Variants in MAGI1 observed in about 807,000 individuals in gnomAD.
MAGI1 encodes membrane-associated guanylate kinase, WW and PDZ domain-containing protein 1.
In MAGI1, 58 loss-of-function variants were observed where a neutral mutation model predicts 139.9. That is an observed-to-expected ratio of 0.41 (90% CI 0.34 to 0.52). The LOEUF (loss-of-function observed/expected upper bound fraction) is 0.52. MAGI1 is among the 20% of genes least tolerant of loss of function. The probability of loss-of-function intolerance (pLI) is 0.12; values close to 1 mark genes in which losing one functional copy is unlikely to be tolerated. For synonymous variants in MAGI1, 812 were observed against 737.9 expected (o/e 1.10, Z -1.63); for missense variants, 1,874 against 1,901.6 (o/e 0.99, Z 0.27).
intron 1 of MAGI1, among the ~76,000 whole-genome samples, chr3:65,709,875 T>A (rs1035104754): frequency 7.9e-5 from 12 of 152,262 alleles, no homozygotes; most frequent in Non-Finnish European, 1.5e-4. Flanking sequence ...CCATAACTGG[T>A]GTAAATCAAA....
intron 2 of MAGI1, among the ~76,000 whole-genome samples, chr3:65,593,402 G>C (rs963776169): frequency 6.8e-5 from 10 of 147,394 alleles, no homozygotes; most frequent in Non-Finnish European, 1.5e-4. Context: ...TGTGAAGGAT[G>C]GGGGGGAAAG....
rs571323363 is a variant in MAGI1 at position 65,919,708 on chromosome 3, T to A, written c.313+118288A>T. Among the ~76,000 whole-genome samples the A allele has an allele frequency of 3.4e-3, 485 of 140,688 alleles. 4 individuals carry two copies. Among genetic ancestry groups the A allele is most frequent in the African/African-American group, 0.011 (410 of 37,132 alleles). The allele number at this position is 140,688 out of a possible 152,430, so 92.3% of individuals were successfully genotyped here. A position where few individuals can be genotyped will look rare whatever the true frequency, so the allele number is the denominator to read the frequency against. On this transcript the variant is annotated intron_variant, in intron 1 of 22. Transcript: ENST00000402939. ...CTCTCTCTCTCTCTCTCTCTCTCTC[T>A]CACATTTTTCAAGTTAGAAAAAGGC...
intron 1 of MAGI1, among the ~76,000 whole-genome samples, chr3:65,771,223 C>A (rs1238185014): frequency 6.6e-6 from 1 of 151,788 alleles, no homozygotes; most frequent in Non-Finnish European, 1.5e-5. Context: ...AGAAGAATCG[C>A]TTGAACCCAG....
chr3:65,780,359 G>A (rs528877721), intron 1 of MAGI1, among the ~76,000 whole-genome samples: 2 of 152,266 alleles, frequency 1.3e-5, no homozygotes, highest in African/African-American at 4.8e-5. Context: ...ATTAATTTCA[G>A]TCAATGCTTA....
intron 21 of MAGI1, among the ~76,000 whole-genome samples, chr3:65,362,834 TA>T (rs1941010962): frequency 6.6e-6 from 1 of 152,240 alleles, no homozygotes; most frequent in Non-Finnish European, 1.5e-5. Context: ...CTTAATCATC[TA>T]ATCTGCCCAG....
intron 1 of MAGI1, among the ~76,000 whole-genome samples, chr3:65,722,850 C>T (rs897320163): frequency 3.9e-5 from 6 of 152,024 alleles, no homozygotes; most frequent in African/African-American, 1.2e-4. Context: ...ATGTGAGTTT[C>T]CAGCCACTTC....
intron 2 of MAGI1, among the ~76,000 whole-genome samples, chr3:65,607,905 G>A (rs2082835681): frequency 6.6e-6 from 1 of 152,116 alleles, no homozygotes; most frequent in Non-Finnish European, 1.5e-5. Context: ...AGAAAAAAAT[G>A]TCAGAATAAC....
At chr3:65,748,477 G>C (rs1297998436) in intron 1 of MAGI1, among the ~76,000 whole-genome samples, 1 of 152,186 alleles carries the variant, frequency 6.6e-6, no homozygotes, top group Non-Finnish European at 1.5e-5. Context: ...GGAACCCCCA[G>C]AGAGTCCAGA....
intron 1 of MAGI1, among the ~76,000 whole-genome samples, chr3:66,025,936 T>A (rs2068235707): frequency 6.6e-6 from 1 of 152,198 alleles, no homozygotes; most frequent in Non-Finnish European, 1.5e-5. Context: ...AAGGTCACGA[T>A]ACTATTTAAG....
At chr3:65,657,636 G>A (rs904737587) in intron 1 of MAGI1, among the ~76,000 whole-genome samples, 2 of 152,104 alleles carry the variant, frequency 1.3e-5, no homozygotes, top group African/African-American at 4.8e-5. Context: ...ACTGGGGAAT[G>A]ACAACATCAC....
At position 65,987,824 on chromosome 3, in the gene MAGI1, C is replaced by G. The variant is rs1277187451; in HGVS notation, c.313+50172G>C. 7.9e-5 allele frequency among the ~76,000 whole-genome samples: 12 copies of G among 152,318 alleles called. No individual in the cohort carries two copies. In the East Asian group the frequency reaches 1.9e-3, roughly 25 times the overall value. On this transcript the variant is annotated intron_variant, in intron 1 of 22. Coordinates refer to ENST00000402939, the MANE Select transcript of MAGI1 (RefSeq NM_001033057.2). Reference sequence around the variant, plus strand: ...GCTCAAGCAATCTGCCTGCCTTGGCCTCCCAATGTATTGAGATTACAGTCA... The same window carrying G: ...GCTCAAGCAATCTGCCTGCCTTGGCGTCCCAATGTATTGAGATTACAGTCA...
At chr3:65,650,476 C>T (rs1445261546) in intron 1 of MAGI1, among the ~76,000 whole-genome samples, 1 of 152,188 alleles carries the variant, frequency 6.6e-6, no homozygotes, top group African/African-American at 2.4e-5. Flanking sequence ...ACTATTGATA[C>T]ATGCAACAGC....
intron 12 of MAGI1, among the ~76,000 whole-genome samples, chr3:65,428,600 T>G (rs541876917): frequency 6.6e-6 from 1 of 152,288 alleles, no homozygotes; most frequent in South Asian, 2.1e-4. Flanking sequence ...TTAATACCTA[T>G]TCATTCATAA....
intron 9 of MAGI1, among the ~76,000 whole-genome samples, chr3:65,439,277 AATT>A (rs1345710617): frequency 6.6e-6 from 1 of 152,176 alleles, no homozygotes; most frequent in East Asian, 1.9e-4. Flanking sequence ...TATACGTATA[AATT>A]ATTATCAGAT....
intron 1 of MAGI1, among the ~76,000 whole-genome samples, chr3:65,680,469 A>G (rs1266020017): frequency 6.6e-6 from 1 of 152,132 alleles, no homozygotes; most frequent in Non-Finnish European, 1.5e-5. Flanking sequence ...CAGGCTGGGG[A>G]GCAGTGGTGC....
At position 65,570,304 on chromosome 3, in the gene MAGI1, G is replaced by A. The variant is rs149829298; in HGVS notation, c.430+51668C>T. 5.4e-3 allele frequency among the ~76,000 whole-genome samples: 812 copies of A among 151,632 alleles called. 6 individuals carry two copies. The highest frequency in any genetic ancestry group is 8.5e-3 in the Non-Finnish European group (578 of 67,950). ...TTTAGTAGAGACAGGGTTTCAACAT[G>A]TTGGCCAGGCTGGTCTCAAACTCCT... On this transcript the variant is annotated intron_variant, in intron 2 of 22. Transcript: ENST00000402939.
intron 12 of MAGI1, among the ~76,000 whole-genome samples, chr3:65,414,687 T>C (rs1309898748): frequency 6.6e-6 from 1 of 151,892 alleles, no homozygotes; most frequent in Non-Finnish European, 1.5e-5. Flanking sequence ...CTTTCTTTTG[T>C]GAACTAAGAA....
chr3:65,469,354 G>C lies in MAGI1; in HGVS notation c.959+929C>G, dbSNP rs551281882. 2.0e-5 allele frequency among the ~76,000 whole-genome samples: 3 copies of C among 151,784 alleles called. No homozygotes were observed. In the South Asian group the frequency reaches 6.3e-4, roughly 32 times the overall value. On this transcript the variant is annotated intron_variant, in intron 5 of 22. Coordinates refer to ENST00000402939, the MANE Select transcript of MAGI1 (RefSeq NM_001033057.2). ...TCAGCCATTTTCTTTTTCTTTCTCA[G>C]TGGTACATTAAAACATGGTGAATCT...
intron 2 of MAGI1, among the ~76,000 whole-genome samples, chr3:65,617,888 G>C (rs1357294551): frequency 6.6e-6 from 1 of 152,156 alleles, no homozygotes; most frequent in Non-Finnish European, 1.5e-5. Context: ...CACTCAGTTA[G>C]ATACGCTGCC....
Sources: allele counts gnomAD v4.1 joint callset (sites outside exome capture counted in the v4.1 genomes callset), GRCh38; gene constraint gnomAD v4.1.1; transcripts MANE v1.5; gene names NCBI Gene and HGNC (gene_info 2026-07-23, HGNC 2026-07-21).